The following CHODL variants were observed in gnomAD, a reference collection of about 807,000 sequenced individuals.
CHODL encodes transmembrane protein MT75.
Under a neutral mutation model 34.5 loss-of-function variants are expected in CHODL, and 29 were observed. That is an observed-to-expected ratio of 0.84 (90% confidence interval 0.63 to 1.15). The LOEUF (loss-of-function observed/expected upper bound fraction) is 1.15, where lower values mean the gene tolerates loss of function less well. Ranked by LOEUF, CHODL falls within the 50% of genes most tolerant of loss-of-function variation. The pLI is 0.00. For missense variants in CHODL, 332 were observed against 332.5 expected (o/e 1.00, Z 0.01); for synonymous variants, 125 against 116.1 (o/e 1.08, Z -0.49).
chr21:17,934,737 C>T (rs1282767886), intron 1 of CHODL, among the ~76,000 whole-genome samples: 1 of 152,150 alleles, frequency 6.6e-6, no homozygotes, highest in Non-Finnish European at 1.5e-5. Context: ...TTCCTCCCAT[C>T]ATCCTAAATA....
At chr21:18,085,044 AATG>A (rs1375036994) in intron 2 of CHODL, among the ~76,000 whole-genome samples, 4 of 151,804 alleles carry the variant, frequency 2.6e-5, no homozygotes, top group East Asian at 3.9e-4. Context: ...GTCATTATAT[AATG>A]ATCTTCTTTT....
intron 1 of CHODL, among the ~76,000 whole-genome samples, chr21:17,949,681 AAT>A (rs968742799): frequency 1.3e-5 from 2 of 152,194 alleles, no homozygotes; most frequent in Non-Finnish European, 2.9e-5. Context: ...TGTAAAAGTA[AAT>A]GTTATAGTCT....
intron 2 of CHODL, among the ~76,000 whole-genome samples, chr21:18,098,773 T>C (rs1184230969): frequency 1.3e-5 from 2 of 152,120 alleles, no homozygotes; most frequent in Non-Finnish European, 2.9e-5. Flanking sequence ...ATATTTGTAT[T>C]CCCATGTTTG....
At chr21:18,037,893 A>T (rs1044166395) in intron 2 of CHODL, among the ~76,000 whole-genome samples, 6 of 151,778 alleles carry the variant, frequency 4.0e-5, no homozygotes, top group Non-Finnish European at 3.0e-5. Context: ...CAATTCTACA[A>T]GTCTTGCATT....
At chr21:18,079,777 A>G (rs1159963646) in intron 2 of CHODL, among the ~76,000 whole-genome samples, 1 of 152,100 alleles carries the variant, frequency 6.6e-6, no homozygotes, top group Non-Finnish European at 1.5e-5. Flanking sequence ...TCACAGTACT[A>G]TTCACAATAG....
chr21:18,215,814 A>G (rs1417579487), intron 2 of CHODL, among the ~76,000 whole-genome samples: 2 of 152,112 alleles, frequency 1.3e-5, no homozygotes, highest in Non-Finnish European at 2.9e-5. Flanking sequence ...AGAACTCGCT[A>G]CTTCTATCTA....
chr21:18,016,097 A>G (rs1568845500), intron 1 of CHODL, among the ~76,000 whole-genome samples: 1 of 152,236 alleles, frequency 6.6e-6, no homozygotes, highest in Non-Finnish European at 1.5e-5. Context: ...ACAGCCGAAT[A>G]TTATTGGCCA....
At chr21:18,183,259 T>C (rs959826846) in intron 2 of CHODL, among the ~76,000 whole-genome samples, 2 of 152,204 alleles carry the variant, frequency 1.3e-5, no homozygotes, top group African/African-American at 4.8e-5. Context: ...TATCTTCTAA[T>C]AGGAGATTGA....
At position 17,986,584 on chromosome 21, in the gene CHODL, T is replaced by C. The variant is rs141885669; in HGVS notation, c.-144-41288T>C. 8.5e-3 allele frequency among the ~76,000 whole-genome samples: 1,289 copies of C among 152,354 alleles called. 40 individuals are homozygous for C. Among genetic ancestry groups the C allele is most frequent in the East Asian group, 0.016 (84 of 5,192 alleles). Reference sequence around the variant, plus strand: ...TGTCATGGACGGACATTTGGGTTGGTTCCAAGTCTTTGCTATTGTGAATAG... The same window carrying C: ...TGTCATGGACGGACATTTGGGTTGGCTCCAAGTCTTTGCTATTGTGAATAG... On this transcript the variant is annotated intron_variant, in intron 1 of 6. Coordinates refer to the CHODL transcript ENST00000400127.
At chr21:18,012,226 A>G (rs1193287326) in intron 1 of CHODL, among the ~76,000 whole-genome samples, 1 of 152,212 alleles carries the variant, frequency 6.6e-6, no homozygotes, top group East Asian at 1.9e-4. Context: ...AAACTAAATG[A>G]CATGGTGATT....
At chr21:17,951,454 C>G (rs2063456705) in intron 1 of CHODL, among the ~76,000 whole-genome samples, 1 of 152,140 alleles carries the variant, frequency 6.6e-6, no homozygotes, top group African/African-American at 2.4e-5. Context: ...ACCATGAGAT[C>G]TCAATATTGC....
intron 1 of CHODL, among the ~76,000 whole-genome samples, chr21:18,003,340 C>T (rs1339786141): frequency 6.6e-6 from 1 of 150,670 alleles, no homozygotes; most frequent in Non-Finnish European, 1.5e-5. Context: ...TTGATATCTT[C>T]CACACTGGCA....
At position 18,086,041 on chromosome 21, in the gene CHODL, CTTTTTTTT is replaced by C. The variant is rs3984977; in HGVS notation, c.-45+58089_-45+58096del. Among the ~76,000 whole-genome samples the C allele has an allele frequency of 3.5e-3, 135 of 38,764 alleles. 2 individuals are homozygous for C. Among genetic ancestry groups the C allele is most frequent in the African/African-American group, 0.011 (130 of 11,432 alleles). The allele number at this position is 38,764 out of a possible 152,430, so 25.4% of individuals were successfully genotyped here. On this transcript the variant is annotated intron_variant, in intron 2 of 6. Coordinates refer to the CHODL transcript ENST00000400127. ...TTCCAGATGTCTTGAAGACTTTGTT[CTTTTTTTT>C]TTTTTTTTTTTTTTTTTTGCCTGCT...
chr21:18,145,225 A>G (rs1055859602), intron 2 of CHODL, among the ~76,000 whole-genome samples: 43 of 143,766 alleles, frequency 3.0e-4, no homozygotes, highest in Middle Eastern at 3.8e-3. Context: ...TCATGAGGTC[A>G]GGAGATCGAG....
At chr21:18,171,222 C>T (rs1276938842) in intron 2 of CHODL, among the ~76,000 whole-genome samples, 1 of 364 alleles carries the variant, frequency 2.7e-3, no homozygotes, top group Non-Finnish European at 7.6e-3. Context: ...TTTTTTGAGA[C>T]GGAGTCTCGC....
At chr21:18,011,628 C>T (rs2064020894) in intron 1 of CHODL, among the ~76,000 whole-genome samples, 1 of 152,042 alleles carries the variant, frequency 6.6e-6, no homozygotes, top group Non-Finnish European at 1.5e-5. Flanking sequence ...TTTAAGGGCC[C>T]CACTGTTTTC....
rs1044752621 is a variant in CHODL at position 18,091,463 on chromosome 21, T to C, written c.-45+63492T>C. On this transcript the variant is annotated intron_variant, in intron 2 of 6. Coordinates refer to the CHODL transcript ENST00000400127. ...GCAATGAAAGTGACTCCCTTGCTTC[T>C]GCTTAAGGAGAGGAGAGCAAAGTGT... Among the ~76,000 whole-genome samples the C allele has an allele frequency of 3.9e-5, 6 of 152,336 alleles. No individual in the cohort carries two copies. In the East Asian group the frequency reaches 1.2e-3, roughly 29 times the overall value.
intron 2 of CHODL, among the ~76,000 whole-genome samples, chr21:18,164,240 C>A (rs1324265554): frequency 6.6e-6 from 1 of 152,140 alleles, no homozygotes; most frequent in East Asian, 1.9e-4. Context: ...GCTGCTCTTG[C>A]AATCCAGATG....
intron 2 of CHODL, among the ~76,000 whole-genome samples, chr21:18,195,290 G>A (rs760932301): frequency 1.1e-4 from 17 of 152,192 alleles, no homozygotes; most frequent in East Asian, 3.9e-4. Context: ...TCCTGACCTC[G>A]TGATCTGCCT....
Sources: allele counts gnomAD v4.1 joint callset (sites outside exome capture counted in the v4.1 genomes callset), GRCh38; gene constraint gnomAD v4.1.1; transcripts MANE v1.5; gene names NCBI Gene and HGNC (gene_info 2026-07-23, HGNC 2026-07-21).